Variants in OLAH observed in about 807,000 individuals in gnomAD.
OLAH encodes the protein S-acyl fatty acid synthase thioesterase, medium chain.
Under a neutral mutation model 27.8 loss-of-function variants are expected in OLAH, and 33 were observed. The ratio of observed to expected loss-of-function variants is 1.19; its 90% CI spans 0.90 to 1.59. OLAH has a LOEUF of 1.59. Ranked by LOEUF, OLAH falls within the 40% of genes most tolerant of loss-of-function variation. OLAH has a pLI of 0.00. For missense variants in OLAH, 359 were observed against 310.8 expected (o/e 1.16, Z -1.17); for synonymous variants, 120 against 102.9 (o/e 1.17, Z -1.01).
chr10:15,035,165 A>G (rs942435598), intron 1 of OLAH, among the ~76,000 whole-genome samples: 3 of 152,046 alleles, frequency 2.0e-5, no homozygotes, highest in African/African-American at 7.2e-5. Context: ...AGTTGGGGAG[A>G]GGCATTCTAG....
chr10:15,064,402 G>A lies in OLAH; in HGVS notation c.303-1G>A, dbSNP rs772345585. 6.4e-7 allele frequency: 1 copy of A among 1,570,676 alleles called. No homozygotes were observed. The highest frequency in any genetic ancestry group is 2.3e-5 in the East Asian group (1 of 43,672). On this transcript the variant is annotated splice_acceptor_variant, in intron 4 of 7. Transcript: ENST00000378228. LOFTEE classifies it high-confidence loss of function. ...GTCATGTTTTTCTTTGCTGAATTTAGTATGGGATCCTACATTGCTTTTAGG... is the reference window on the plus strand; with the variant it reads ...GTCATGTTTTTCTTTGCTGAATTTAATATGGGATCCTACATTGCTTTTAGG...
At position 15,064,397 on chromosome 10, in the gene OLAH, A is replaced by AT; in HGVS notation, c.303-3dup. 1 of 1,562,862 alleles carries AT rather than the reference A, an allele frequency of 6.4e-7. No homozygotes were observed. Among genetic ancestry groups the AT allele is most frequent in the Non-Finnish European group, 8.7e-7 (1 of 1,144,578 alleles). ...TTCTTGTCATGTTTTTCTTTGCTGA[A>AT]TTTAGTATGGGATCCTACATTGCTT... On this transcript the variant is annotated splice_polypyrimidine_tract_variant and splice_region_variant and intron_variant, in intron 4 of 7. Transcript: ENST00000378228.
chr10:15,065,579 T>C lies in OLAH; in HGVS notation c.403-5T>C. 1 of 1,605,846 alleles carries C rather than the reference T, an allele frequency of 6.2e-7. No homozygotes were observed. Among genetic ancestry groups the C allele is most frequent in the Non-Finnish European group, 8.5e-7 (1 of 1,177,076 alleles). ...TCAGGCCTGTGTTGTTGTTCATGTTTCAAGTCAAAGGCCTGGCATCGCATT... is the reference window on the plus strand; with the variant it reads ...TCAGGCCTGTGTTGTTGTTCATGTTCCAAGTCAAAGGCCTGGCATCGCATT... On this transcript the variant is annotated splice_polypyrimidine_tract_variant and splice_region_variant and intron_variant, in intron 5 of 7. Transcript: ENST00000378228.
At chr10:15,049,403 G>A (rs1844088311) in intron 2 of OLAH, among the ~76,000 whole-genome samples, 1 of 152,054 alleles carries the variant, frequency 6.6e-6, no homozygotes, top group Admixed American at 6.6e-5. Context: ...AAATTGCTAG[G>A]ATTACAGGCA....
At chr10:15,071,465 A>G (rs1844585325) in intron 6 of OLAH, 16 of 940,780 alleles carry the variant, frequency 1.7e-5, no homozygotes, top group East Asian at 1.2e-4. Context: ...GGCCAAGGAG[A>G]GCTAAGAGTT....
intron 7 of OLAH, among the ~76,000 whole-genome samples, chr10:15,072,275 G>T (rs1428130503): frequency 1.3e-5 from 2 of 151,916 alleles, no homozygotes; most frequent in Admixed American, 1.3e-4. Flanking sequence ...GTACATAGTA[G>T]GTGTATATAT....
chr10:15,041,707 C>T (rs1385865229), upstream of OLAH, among the ~76,000 whole-genome samples: 1 of 151,644 alleles, frequency 6.6e-6, no homozygotes, highest in Non-Finnish European at 1.5e-5. Flanking sequence ...TCCTGTGTAG[C>T]TGGGATTACA....
Position 15,061,729 on chromosome 10 carries a change from T to G in OLAH, c.169T>G (p.Ser57Ala). The G allele has an allele frequency of 6.2e-7, 1 of 1,606,092 alleles. No homozygotes were observed. The highest frequency in any genetic ancestry group is 8.5e-7 in the Non-Finnish European group (1 of 1,176,878). Residue 57 changes from serine to alanine, a missense_variant, in exon 4 of 8, where the codon TCC becomes GCC. Physicochemically the swap from Ser to Ala is moderately conservative, Grantham distance 99. Coordinates refer to ENST00000378228, the MANE Select transcript of OLAH (RefSeq NM_001039702.3). ...QDTHDLLEVH[S>A]LRLPGRESRV... ...TTGTGTTTCTCCATCTCCAGTGCAC[T>G]CCTTAAGGCTTCCTGGAAGAGAAAG...
At chr10:15,033,229 C>T (rs1438606798) in intron 1 of OLAH, among the ~76,000 whole-genome samples, 2 of 152,026 alleles carry the variant, frequency 1.3e-5, no homozygotes, top group South Asian at 2.1e-4. Context: ...GATTTTATAA[C>T]TAGTAGGAAA....
chr10:15,058,051 A>G (rs1195765617), intron 3 of OLAH, among the ~76,000 whole-genome samples: 1 of 152,106 alleles, frequency 6.6e-6, no homozygotes, highest in Non-Finnish European at 1.5e-5. Context: ...ATTTCCTGAG[A>G]TTTTGTTTGG....
At chr10:15,036,809 A>T (rs1453212334) in intron 1 of OLAH, among the ~76,000 whole-genome samples, 1 of 152,128 alleles carries the variant, frequency 6.6e-6, no homozygotes, top group Admixed American at 6.6e-5. Flanking sequence ...GGCCAGACGC[A>T]GTGGCTCACA....
At chr10:15,051,508 A>G (rs1844142277) in intron 3 of OLAH, among the ~76,000 whole-genome samples, 1 of 152,172 alleles carries the variant, frequency 6.6e-6, no homozygotes, top group Non-Finnish European at 1.5e-5. Context: ...TTTATTACAC[A>G]TCTGTCCAAC....
chr10:15,049,730 C>A lies in OLAH; in HGVS notation c.128C>A (p.Ala43Asp), dbSNP rs573204198. Residue 43 changes from alanine to aspartate, a missense_variant, in exon 3 of 8, where the codon GCC becomes GAC. By Grantham distance (126) the Ala-to-Asp change is moderately radical (BLOSUM62 -2). Transcript: ENST00000378228. ...ATGGGAGGTGGCTCCACTCATTTTG[C>A]CAAATGGGGCCAAGATACTCATGAT... ...PWMGGGSTHF[A>D]KWGQDTHDLL... The A allele has an allele frequency of 2.8e-5, 45 of 1,608,370 alleles. No individual in the cohort carries two copies. In the South Asian group the frequency reaches 4.9e-4, roughly 18 times the overall value.
chr10:15,059,377 A>T (rs753390589), intron 3 of OLAH, among the ~76,000 whole-genome samples: 33 of 151,122 alleles, frequency 2.2e-4, no homozygotes, highest in Admixed American at 8.6e-4. Flanking sequence ...TTTTATAGAG[A>T]TAAGGTCTCA....
chr10:15,067,756 C>G (rs1844496773), intron 6 of OLAH, among the ~76,000 whole-genome samples: 1 of 152,286 alleles, frequency 6.6e-6, no homozygotes, highest in South Asian at 2.1e-4. Flanking sequence ...CGTTATCTCC[C>G]TGCTTTTTCC....
chr10:15,059,775 C>A (rs1375743960), intron 3 of OLAH, among the ~76,000 whole-genome samples: 2 of 152,060 alleles, frequency 1.3e-5, no homozygotes, highest in African/African-American at 4.8e-5. Context: ...CACTACAATC[C>A]AGCCTGAGAA....
Position 15,073,358 on chromosome 10 carries a change from A to G in OLAH, c.*129A>G. On this transcript the variant is annotated 3_prime_UTR_variant, in exon 8 of 8. Transcript: ENST00000378228. ...ACTGTCAGGGAGATTCGTTACATAA[A>G]TATATTTACGTATCTGGGGACAAAG... 2 of 670,898 alleles carry G rather than the reference A, an allele frequency of 3.0e-6. No homozygotes were observed. Among genetic ancestry groups the G allele is most frequent in the East Asian group, 2.9e-5 (1 of 35,080 alleles). 41.6% of individuals were successfully genotyped at this position (670,898 alleles called of 1,614,324 possible).
intron 3 of OLAH, among the ~76,000 whole-genome samples, chr10:15,055,223 C>G (rs1432879755): frequency 6.6e-6 from 1 of 152,192 alleles, no homozygotes; most frequent in Non-Finnish European, 1.5e-5. Context: ...ATACATTTAT[C>G]TTTGTTTACG....
intron 3 of OLAH, among the ~76,000 whole-genome samples, chr10:15,050,891 A>C (rs981385301): frequency 6.6e-5 from 10 of 151,870 alleles, no homozygotes; most frequent in African/African-American, 2.4e-4. Context: ...CCTCTATAAT[A>C]ATAATATTTA....
Sources: gnomAD v4.1 joint callset for allele counts (sites outside exome capture counted in the v4.1 genomes callset) on GRCh38, gnomAD v4.1.1 for gene constraint, MANE v1.5 for transcripts, NCBI Gene and HGNC (gene_info 2026-07-23, HGNC 2026-07-21) for gene names.